The following PTPRZ1 variants were observed in gnomAD, a reference collection of about 807,000 sequenced individuals.
PTPRZ1 encodes the protein protein tyrosine phosphatase receptor type Z1, also known as receptor-type tyrosine-protein phosphatase zeta.
Under a neutral mutation model 214.1 loss-of-function variants are expected in PTPRZ1, and 82 were observed. That is an observed-to-expected ratio of 0.38 (90% CI 0.32 to 0.46). The LOEUF (loss-of-function observed/expected upper bound fraction) is 0.46, where lower values mean the gene tolerates loss of function less well. PTPRZ1 is among the 20% of genes least tolerant of loss of function. The pLI is 1.00. For missense variants in PTPRZ1, 2,603 were observed against 2,748.7 expected, an observed-to-expected ratio of 0.95 and a Z score of 1.19; for synonymous variants, 945 against 987.9, an observed-to-expected ratio of 0.96 and a Z score of 0.81.
At position 122,036,668 on chromosome 7, in the gene PTPRZ1, G is replaced by A; in HGVS notation, c.5353G>A (p.Ala1785Thr). 1.2e-6 allele frequency: 2 copies of A among 1,601,396 alleles called. No individual in the cohort carries two copies. Among genetic ancestry groups the A allele is most frequent in the Non-Finnish European group, 1.7e-6 (2 of 1,168,672 alleles). ...KDGKLTDYIN[A>T]NYVDGYNRPK... is the part of the protein sequence containing the mutation. ...TGGCAAACTGACTGATTATATCAATGCCAATTATGTTGATGTAAGCATGTT... is the reference window on the plus strand; with the variant it reads ...TGGCAAACTGACTGATTATATCAATACCAATTATGTTGATGTAAGCATGTT... Residue 1785 changes from alanine (A) to threonine (T), a missense_variant, in exon 18 of 30, where the codon GCC becomes ACC. By Grantham distance (58) the Ala-to-Thr change is moderately conservative. Transcript: ENST00000393386.
chr7:121,979,585 C>A (rs1313689355), intron 6 of PTPRZ1, among the ~76,000 whole-genome samples: 1 of 152,190 alleles, frequency 6.6e-6, no homozygotes, highest in East Asian at 1.9e-4. Flanking sequence ...GTGCTTGGCC[C>A]TATTGTGGTT....
chr7:122,035,899 A>G (rs1799519904), intron 17 of PTPRZ1, among the ~76,000 whole-genome samples: 1 of 152,216 alleles, frequency 6.6e-6, no homozygotes, highest in South Asian at 2.1e-4. Context: ...ATTTAATCTC[A>G]AACTCCTGTA....
intron 1 of PTPRZ1, among the ~76,000 whole-genome samples, chr7:121,898,964 G>A (rs1015126211): frequency 6.6e-6 from 1 of 152,142 alleles, no homozygotes; most frequent in African/African-American, 2.4e-5. Flanking sequence ...AGCAAGTCCA[G>A]TGTAAACTTT....
chr7:122,046,621 C>T (rs1268455363), intron 23 of PTPRZ1, among the ~76,000 whole-genome samples: 3 of 152,100 alleles, frequency 2.0e-5, no homozygotes, highest in Non-Finnish European at 4.4e-5. Context: ...CATAACTACT[C>T]AGATTCTGTT....
chr7:122,010,853 A>G lies in PTPRZ1; in HGVS notation c.1807A>G (p.Ile603Val), dbSNP rs906537916. Residue 603 changes from isoleucine to valine, a missense_variant, in exon 12 of 30, where the codon ATA becomes GTA. Physicochemically the swap from Ile to Val is conservative, Grantham distance 29. Coordinates refer to ENST00000393386, the MANE Select transcript of PTPRZ1 (RefSeq NM_002851.3). ...TGCTATCCCATTCATCTCTGAGAAC[A>G]TATCCCAAGGGTATATATTTTCCTC... The part of the protein sequence containing the change: ...TSAIPFISEN[I>V]SQGYIFSSEN... The G allele has an allele frequency of 2.5e-6, 4 of 1,614,004 alleles. No homozygotes were observed. The highest frequency in any genetic ancestry group is 3.4e-6 in the Non-Finnish European group (4 of 1,180,032).
rs374883081 is a variant in PTPRZ1 at position 121,885,147 on chromosome 7, GA to G, written c.58+11594del. Among the ~76,000 whole-genome samples, 40 of 152,318 alleles carry G rather than the reference GA, an allele frequency of 2.6e-4. 1 individual carries two copies. In the East Asian group the frequency reaches 3.5e-3, roughly 13 times the overall value. ...ACATTCAAAATAATTGGGTAAGTAG[GA>G]AAAGATATAAGCAAAATGTGTATGT... On this transcript the variant is annotated intron_variant, in intron 1 of 29. Coordinates refer to ENST00000393386, the MANE Select transcript of PTPRZ1 (RefSeq NM_002851.3).
In PTPRZ1 at chr7:121,963,920, A is replaced by G. The variant is rs915373361; in HGVS notation, c.125-4031A>G. 7.3e-5 allele frequency among the ~76,000 whole-genome samples: 11 copies of G among 149,930 alleles called. No individual in the cohort carries two copies. The South Asian group carries it at 2.3e-3, about 31-fold the overall frequency. Reference sequence around the variant, plus strand: ...AAACATAATCTAGTTACCTGGTGTCATTGCGCTATATGTTGTCCTAACCTC... The same window carrying G: ...AAACATAATCTAGTTACCTGGTGTCGTTGCGCTATATGTTGTCCTAACCTC... On this transcript the variant is annotated intron_variant, in intron 2 of 29. Coordinates refer to ENST00000393386, the MANE Select transcript of PTPRZ1 (RefSeq NM_002851.3).
At chr7:121,993,359 G>A (rs548575787) in intron 8 of PTPRZ1, among the ~76,000 whole-genome samples, 1 of 151,564 alleles carries the variant, frequency 6.6e-6, no homozygotes, top group East Asian at 2.0e-4. Context: ...AGACCATCCT[G>A]GCTAACACGG....
intron 27 of PTPRZ1, among the ~76,000 whole-genome samples, chr7:122,056,662 T>C (rs538111535): frequency 7.2e-5 from 11 of 151,924 alleles, no homozygotes; most frequent in Admixed American, 5.3e-4. Flanking sequence ...GTTTATATTA[T>C]ATGTGCAAGG....
intron 6 of PTPRZ1, among the ~76,000 whole-genome samples, chr7:121,979,583 C>T (rs540417603): frequency 6.6e-6 from 1 of 152,144 alleles, no homozygotes; most frequent in Non-Finnish European, 1.5e-5. Flanking sequence ...TAGTGCTTGG[C>T]CCTATTGTGG....
At position 122,031,620 on chromosome 7, in the gene PTPRZ1, G is replaced by A. The variant is rs1799379022; in HGVS notation, c.5166+61G>A. ...AAAATAGTAAAATTTAAAAGATTCA[G>A]CAATAGGCTATTTCTTGACCTAAAG... On this transcript the variant is annotated intron_variant, in intron 15 of 29. Coordinates refer to ENST00000393386, the MANE Select transcript of PTPRZ1 (RefSeq NM_002851.3). The A allele has an allele frequency of 4.9e-6, 6 of 1,212,564 alleles. 1 individual carries two copies. The South Asian group carries it at 8.5e-5, about 17-fold the overall frequency. 75.1% of individuals were successfully genotyped at this position (1,212,564 alleles called of 1,614,324 possible). A position where few individuals can be genotyped will look rare whatever the true frequency, so the allele number is the denominator to read the frequency against.
intron 25 of PTPRZ1, 73 bp from the exon 26 acceptor site, chr7:122,053,837 G>T (rs1277748076): frequency 1.3e-6 from 2 of 1,541,048 alleles, no homozygotes; most frequent in South Asian, 2.4e-5. Flanking sequence ...AAGGTCCATT[G>T]ATGTATAAAT....
Position 121,976,157 on chromosome 7 carries a change from A to G in PTPRZ1, c.457-16A>G, listed in dbSNP as rs1481281061. On this transcript the variant is annotated splice_polypyrimidine_tract_variant and intron_variant, in intron 4 of 29. Transcript: ENST00000393386. The stretch of plus-strand genomic sequence containing the variant: ...AGTCTTTGTGTATCATAAAACTATC[A>G]TTGTTACTTTTATAGATGCAAATCT... The G allele has an allele frequency of 6.5e-6, 10 of 1,548,194 alleles. No homozygotes were observed. The highest frequency in any genetic ancestry group is 8.9e-6 in the Non-Finnish European group (10 of 1,123,682).
chr7:121,965,001 G>A (rs943690436), intron 2 of PTPRZ1, among the ~76,000 whole-genome samples: 9 of 152,196 alleles, frequency 5.9e-5, no homozygotes, highest in Non-Finnish European at 1.0e-4. Flanking sequence ...AGGAGCTCAT[G>A]TTTTATTTTG....
At chr7:121,933,678 A>G (rs533396541) in intron 2 of PTPRZ1, among the ~76,000 whole-genome samples, 27 of 152,306 alleles carry the variant, frequency 1.8e-4, no homozygotes, top group Admixed American at 4.6e-4. Flanking sequence ...TGCTACTTAT[A>G]GAAAACAAAA....
chr7:121,974,154 A>G (rs918897447), intron 4 of PTPRZ1, among the ~76,000 whole-genome samples: 1 of 152,040 alleles, frequency 6.6e-6, no homozygotes, highest in Non-Finnish European at 1.5e-5. Context: ...AAAGACTAAA[A>G]AGCTTTTTTT....
At chr7:121,898,262 G>T (rs201580672) in intron 1 of PTPRZ1, among the ~76,000 whole-genome samples, 16 of 149,788 alleles carry the variant, frequency 1.1e-4, no homozygotes, top group Admixed American at 2.7e-4. Flanking sequence ...AATGTGATGG[G>T]TTTTTTTTTT....
intron 6 of PTPRZ1, among the ~76,000 whole-genome samples, chr7:121,983,010 T>G (rs1205276211): frequency 2.0e-5 from 3 of 152,136 alleles, no homozygotes; most frequent in Admixed American, 6.5e-5. Flanking sequence ...AACTCCTGAC[T>G]TCGTGATCCA....
rs200099924 is a variant in PTPRZ1 at position 121,947,765 on chromosome 7, T to A, written c.124+19544T>A. On this transcript the variant is annotated intron_variant, in intron 2 of 29. Coordinates refer to ENST00000393386, the MANE Select transcript of PTPRZ1 (RefSeq NM_002851.3). ...AGCCTCTATTTGAAGATTTTTTTTT[T>A]ATGAGGCCAAATCCAGACTAAATTA... 1.5e-4 allele frequency among the ~76,000 whole-genome samples: 23 copies of A among 152,304 alleles called. No homozygotes were observed. The East Asian group carries it at 4.3e-3, about 28-fold the overall frequency.
Sources: gnomAD v4.1 joint callset for allele counts (sites outside exome capture counted in the v4.1 genomes callset) on GRCh38, gnomAD v4.1.1 for gene constraint, MANE v1.5 for transcripts, NCBI Gene and HGNC (gene_info 2026-07-23, HGNC 2026-07-21) for gene names.